Variants in GLRA2 observed in about 807,000 individuals in gnomAD.
GLRA2 encodes glycine receptor alpha 2, also known as glycine receptor subunit alpha-2.
GLRA2 carries 11 observed loss-of-function variants against 31.6 expected under a neutral mutation model. That is an observed-to-expected ratio of 0.35 (90% CI 0.22 to 0.58). The LOEUF (loss-of-function observed/expected upper bound fraction) is 0.58. GLRA2 is among the 20% of genes least tolerant of loss of function. The probability of loss-of-function intolerance (pLI) is 0.84; values close to 1 mark genes in which losing one functional copy is unlikely to be tolerated. For synonymous variants in GLRA2, 132 were observed against 134.0 expected (o/e 0.99, Z 0.10); for missense variants, 212 against 351.8 (o/e 0.60, Z 3.18).
At chrX:14,458,727 T>C in the GLRA2 span, among the ~76,000 whole-genome samples, 1 of 111,856 alleles carries the variant, frequency 8.9e-6, no homozygotes, top group East Asian at 2.8e-4. Context: ...TTGTTTGTTT[T>C]TTTCTTGTAA....
chrX:14,494,104 T>C, the GLRA2 span, among the ~76,000 whole-genome samples: 1 of 111,192 alleles, frequency 9.0e-6, no homozygotes, highest in African/African-American at 3.3e-5. Flanking sequence ...ATTTAACTTA[T>C]ATGAAGTTCA....
At chrX:14,595,960 A>T (rs1423777437) in intron 4 of GLRA2, among the ~76,000 whole-genome samples, 1 of 111,923 alleles carries the variant, frequency 8.9e-6, no homozygotes, top group African/African-American at 3.3e-5. Context: ...TGCCCAATAA[A>T]TATTTGCCAA....
chrX:14,602,304 C>T (rs955630751), intron 4 of GLRA2, among the ~76,000 whole-genome samples: 4 of 111,659 alleles, frequency 3.6e-5, no homozygotes, highest in African/African-American at 1.3e-4. Context: ...GAAAGTGGAG[C>T]AGAGTAACCC....
intron 7 of GLRA2, among the ~76,000 whole-genome samples, chrX:14,610,219 G>C (rs1478189942): frequency 5.4e-5 from 6 of 111,979 alleles, no homozygotes; most frequent in Non-Finnish European, 1.9e-5. Flanking sequence ...TTTATGTTTG[G>C]TTGTGCTGAA....
At chrX:14,589,495 T>TAA (rs72146186) in intron 4 of GLRA2, among the ~76,000 whole-genome samples, 2 of 82,939 alleles carry the variant, frequency 2.4e-5, no homozygotes. Flanking sequence ...CCATCTGTAC[T>TAA]AAAAAAAAAA....
chrX:14,697,336 A>G (rs1345884038), intron 8 of GLRA2, among the ~76,000 whole-genome samples: 1 of 112,086 alleles, frequency 8.9e-6, no homozygotes, highest in African/African-American at 3.2e-5. Flanking sequence ...TAATAGTTGC[A>G]TTAAAATAAG....
At chrX:14,454,655 G>T in the GLRA2 span, among the ~76,000 whole-genome samples, 1 of 108,654 alleles carries the variant, frequency 9.2e-6, no homozygotes, top group East Asian at 2.9e-4. Flanking sequence ...CCCTTCCACT[G>T]TACCATTTTG....
At chrX:14,466,304 C>T in the GLRA2 span, among the ~76,000 whole-genome samples, 7 of 111,205 alleles carry the variant, frequency 6.3e-5, no homozygotes, top group South Asian at 1.1e-3. Context: ...TCTTGAACAA[C>T]TAAATCTGTT....
At chrX:14,622,187 C>T (rs749960111) in intron 7 of GLRA2, among the ~76,000 whole-genome samples, 16 of 111,862 alleles carry the variant, frequency 1.4e-4, no homozygotes, top group East Asian at 1.1e-3. Context: ...TCATATCCTT[C>T]GCCCACTTGT....
chrX:14,639,702 G>T (rs1237386062), intron 7 of GLRA2, among the ~76,000 whole-genome samples: 1 of 111,732 alleles, frequency 8.9e-6, no homozygotes, highest in Non-Finnish European at 1.9e-5. Flanking sequence ...TCTAACAAAT[G>T]CCTGGAGACC....
upstream of GLRA2, among the ~76,000 whole-genome samples, chrX:14,525,810 A>G (rs73450474): frequency 0.019 from 2,166 of 112,024 alleles, 48 homozygotes; most frequent in African/African-American, 0.063. Context: ...TTTTGAAAGA[A>G]CTATTTGTGG....
At chrX:14,498,472 T>G in the GLRA2 span, among the ~76,000 whole-genome samples, 5 of 110,852 alleles carry the variant, frequency 4.5e-5, no homozygotes, top group East Asian at 1.4e-3. Context: ...TCATTGACAT[T>G]TTTATTTTTA....
chrX:14,582,530 A>T (rs1390780049), intron 4 of GLRA2, among the ~76,000 whole-genome samples: 1 of 110,685 alleles, frequency 9.0e-6, no homozygotes, highest in Non-Finnish European at 1.9e-5. Flanking sequence ...GTGACTCTGT[A>T]AGGCTCTTAT....
the GLRA2 span, among the ~76,000 whole-genome samples, chrX:14,476,114 C>T: frequency 6.3e-5 from 7 of 111,745 alleles, no homozygotes; most frequent in Admixed American, 6.7e-4. Flanking sequence ...CCAACAAGTT[C>T]CTGGACTGAT....
chrX:14,499,753 T>C, the GLRA2 span, among the ~76,000 whole-genome samples: 10 of 111,196 alleles, frequency 9.0e-5, no homozygotes, highest in East Asian at 2.8e-3. Context: ...GGGTACTATG[T>C]TCATTATCTG....
chrX:14,708,942 A>G (rs925989714), intron 8 of GLRA2, among the ~76,000 whole-genome samples: 2 of 110,393 alleles, frequency 1.8e-5, no homozygotes, highest in Non-Finnish European at 3.8e-5. Context: ...GTCTCCACAC[A>G]AAAAGAAAAA....
intron 7 of GLRA2, among the ~76,000 whole-genome samples, chrX:14,639,868 A>C (rs1486140712): frequency 8.9e-6 from 1 of 112,475 alleles, no homozygotes; most frequent in African/African-American, 3.2e-5. Flanking sequence ...ATTTGTAATG[A>C]TACAAAGAAC....
chrX:14,538,594 T>C (rs1202979955), intron 2 of GLRA2, among the ~76,000 whole-genome samples: 2 of 111,493 alleles, frequency 1.8e-5, no homozygotes, highest in Non-Finnish European at 3.8e-5. Flanking sequence ...TTCCTAAATA[T>C]AAAACAATGA....
chrX:14,575,452 G>A (rs112566359), intron 3 of GLRA2, among the ~76,000 whole-genome samples: 69 of 109,981 alleles, frequency 6.3e-4, no homozygotes, highest in African/African-American at 1.5e-3. Flanking sequence ...CACCTGCCTC[G>A]GCCTACCAAA....
Sources: gnomAD v4.1 joint callset for allele counts (sites outside exome capture counted in the v4.1 genomes callset) on GRCh38, gnomAD v4.1.1 for gene constraint, MANE v1.5 for transcripts, NCBI Gene and HGNC (gene_info 2026-07-23, HGNC 2026-07-21) for gene names.